SLC25A13: variants seen among roughly 807,000 people sequenced by gnomAD.
SLC25A13 encodes electrogenic aspartate/glutamate antiporter SLC25A13, mitochondrial.
SLC25A13 carries 70 observed loss-of-function variants against 85.5 expected under a neutral mutation model. That is an observed-to-expected ratio of 0.82 (90% CI 0.68 to 1.00). The LOEUF is 1.00. SLC25A13 is among the 50% of genes least tolerant of loss of function. The pLI is 0.00. For synonymous variants in SLC25A13, 259 were observed against 288.7 expected, an observed-to-expected ratio of 0.90 and a Z score of 1.04; for missense variants, 765 against 819.8, an observed-to-expected ratio of 0.93 and a Z score of 0.82.
chr7:96,308,009 C>T (rs1013471981), intron 1 of SLC25A13, among the ~76,000 whole-genome samples: 2 of 151,938 alleles, frequency 1.3e-5, no homozygotes, highest in South Asian at 2.1e-4. Context: ...AAAATTTAGC[C>T]GGGCACGGTG....
intron 2 of SLC25A13, chr7:96,283,351 CA>C: frequency 9.9e-6 from 3 of 303,690 alleles, no homozygotes; most frequent in East Asian, 8.4e-5. Flanking sequence ...AGTAATTCAC[CA>C]AAATGGGATG....
intron 4 of SLC25A13, among the ~76,000 whole-genome samples, chr7:96,218,526 T>C (rs1584470532): frequency 6.6e-6 from 1 of 152,228 alleles, no homozygotes; most frequent in Non-Finnish European, 1.5e-5. Context: ...TCTTCACTTA[T>C]GCAAATTTTA....
chr7:96,121,482 T>C, intron 17 of SLC25A13, 105 bp from the exon 18 acceptor site: 4 of 1,433,034 alleles, frequency 2.8e-6, no homozygotes, highest in Non-Finnish European at 2.9e-6. Flanking sequence ...AAGGAGTTGA[T>C]ACATTCTCAT....
At chr7:96,159,428 T>C (rs1335281290) in intron 13 of SLC25A13, among the ~76,000 whole-genome samples, 1 of 151,982 alleles carries the variant, frequency 6.6e-6, no homozygotes, top group Non-Finnish European at 1.5e-5. Flanking sequence ...CCCTTATAAT[T>C]AGAGATTAAG....
At chr7:96,301,064 T>G (rs1294357511) in intron 1 of SLC25A13, among the ~76,000 whole-genome samples, 1 of 152,210 alleles carries the variant, frequency 6.6e-6, no homozygotes, top group African/African-American at 2.4e-5. Context: ...TTCTACCTGG[T>G]GGCAAAACCA....
chr7:96,244,933 T>C (rs1279974982), intron 3 of SLC25A13, among the ~76,000 whole-genome samples: 1 of 152,102 alleles, frequency 6.6e-6, no homozygotes, highest in Non-Finnish European at 1.5e-5. Flanking sequence ...TCTGCATATA[T>C]CACTGCCTCC....
intron 3 of SLC25A13, among the ~76,000 whole-genome samples, chr7:96,269,823 T>C (rs1209989723): frequency 1.3e-5 from 2 of 152,206 alleles, no homozygotes; most frequent in Non-Finnish European, 2.9e-5. Flanking sequence ...TGGATGAACC[T>C]GAAGGACAAT....
intron 9 of SLC25A13, among the ~76,000 whole-genome samples, chr7:96,188,523 C>T (rs979830018): frequency 2.0e-5 from 3 of 152,162 alleles, no homozygotes; most frequent in Admixed American, 1.3e-4. Flanking sequence ...GATGGCTCTG[C>T]CTAAAAGGAG....
At chr7:96,272,959 G>C (rs1024864536) in intron 3 of SLC25A13, among the ~76,000 whole-genome samples, 1 of 152,156 alleles carries the variant, frequency 6.6e-6, no homozygotes, top group African/African-American at 2.4e-5. Flanking sequence ...ATGTGATCTT[G>C]ACATATCATC....
chr7:96,166,074 C>T (rs888002571), intron 13 of SLC25A13, among the ~76,000 whole-genome samples: 2 of 152,200 alleles, frequency 1.3e-5, no homozygotes, highest in African/African-American at 4.8e-5. Context: ...TAAGATTACT[C>T]TTCATTCCAT....
intron 3 of SLC25A13, among the ~76,000 whole-genome samples, chr7:96,274,067 C>T (rs949090775): frequency 6.6e-6 from 1 of 152,154 alleles, no homozygotes; most frequent in Non-Finnish European, 1.5e-5. Context: ...AAAAGGAAAC[C>T]TTCTGCCGCT....
At position 96,121,206 on chromosome 7, in the gene SLC25A13, A is replaced by G; in HGVS notation, c.2013T>C (p.Ile671=). Reference sequence around the variant, plus strand: ...GCTGATCTTCCTATGGGCCTCCACCAATAGCCTTTGAGGTAGATACTGATG... The same window carrying G: ...GCTGATCTTCCTATGGGCCTCCACCGATAGCCTTTGAGGTAGATACTGATG... ...FKPSVSTSKA[I]GGGP Residue 671 remains isoleucine (I), a synonymous_variant, in exon 18 of 18, where the codon ATT becomes ATC. Transcript: ENST00000265631. 3 of 1,614,164 alleles carry G rather than the reference A, an allele frequency of 1.9e-6. No individual in the cohort carries two copies. Among genetic ancestry groups the G allele is most frequent in the Non-Finnish European group, 2.5e-6 (3 of 1,180,006 alleles).
Position 96,121,410 on chromosome 7 carries a change from AT to A in SLC25A13, c.1842-34del, listed in dbSNP as rs766856931. ...AAGAGAAAACAGAGTAAGAAGCTGT[AT>A]TTTTTGTTTGTTTTAACTTGATAAA... On this transcript the variant is annotated intron_variant, in intron 17 of 17. Coordinates refer to ENST00000265631, the MANE Select transcript of SLC25A13 (RefSeq NM_014251.3). The A allele has an allele frequency of 2.5e-6, 4 of 1,611,590 alleles. No homozygotes were observed. The African/African-American group carries it at 5.3e-5, about 22-fold the overall frequency.
chr7:96,221,541 ATTTCAT>A (rs988178407), intron 4 of SLC25A13, among the ~76,000 whole-genome samples: 5 of 152,184 alleles, frequency 3.3e-5, no homozygotes, highest in African/African-American at 9.7e-5. Context: ...CTTTTCGAAT[ATTTCAT>A]TTTCGAAGTG....
At chr7:96,139,454 C>A (rs1295961061) in intron 14 of SLC25A13, among the ~76,000 whole-genome samples, 1 of 152,012 alleles carries the variant, frequency 6.6e-6, no homozygotes, top group Non-Finnish European at 1.5e-5. Flanking sequence ...CATTACATGA[C>A]CTGTAGTATT....
At chr7:96,240,037 C>G (rs1796908900) in intron 3 of SLC25A13, among the ~76,000 whole-genome samples, 1 of 152,064 alleles carries the variant, frequency 6.6e-6, no homozygotes, top group South Asian at 2.1e-4. Flanking sequence ...AGATATATAC[C>G]AAAATGATGA....
In SLC25A13 at chr7:96,193,155, G is replaced by C; in HGVS notation, c.497C>G (p.Ala166Gly). 1.9e-6 allele frequency: 3 copies of C among 1,614,032 alleles called. No homozygotes were observed. Among genetic ancestry groups the C allele is most frequent in the South Asian group, 1.1e-5 (1 of 91,058 alleles). The change falls in exon 6 of 18, where the codon GCC becomes GGC. Residue 166 changes from alanine (A) to glycine (G), a missense_variant. Physicochemically the swap from Ala to Gly is moderately conservative, Grantham distance 60 (BLOSUM62 0). Transcript: ENST00000265631. The stretch of plus-strand genomic sequence containing the variant: ...CCTAGCATTGTCCCGTTGCACAAAG[G>C]CTTGCTTTGCGTGCTCCAGTTGTAT... ...LEIQLEHAKQ[A>G]FVQRDNARTG...
intron 3 of SLC25A13, among the ~76,000 whole-genome samples, chr7:96,244,503 G>A (rs1584505120): frequency 6.6e-6 from 1 of 152,216 alleles, no homozygotes; most frequent in East Asian, 1.9e-4. Flanking sequence ...AGTCCTATAG[G>A]GTCTTACCTT....
At chr7:96,178,661 C>G (rs1357810968) in intron 11 of SLC25A13, among the ~76,000 whole-genome samples, 5 of 152,144 alleles carry the variant, frequency 3.3e-5, no homozygotes, top group African/African-American at 1.2e-4. Flanking sequence ...CTTTCAACAT[C>G]AGATTAACCT....
Sources: allele counts gnomAD v4.1 joint callset (sites outside exome capture counted in the v4.1 genomes callset), GRCh38; gene constraint gnomAD v4.1.1; transcripts MANE v1.5; gene names NCBI Gene and HGNC (gene_info 2026-07-23, HGNC 2026-07-21).